The following KCNAB2 variants were observed in gnomAD, a reference collection of about 807,000 sequenced individuals.
KCNAB2 encodes voltage-gated potassium channel subunit beta-2.
A neutral mutation model predicts 63.6 loss-of-function variants in KCNAB2; 29 were observed. The observed-to-expected ratio is 0.46, with a 90% CI of 0.34 to 0.62. The LOEUF (loss-of-function observed/expected upper bound fraction) is 0.62, where lower values mean the gene tolerates loss of function less well. Among genes scored for constraint, KCNAB2 ranks in the 20% least tolerant of loss-of-function variants. The pLI is 0.01. For synonymous variants in KCNAB2, 222 were observed against 224.2 expected, an observed-to-expected ratio of 0.99 and a Z score of 0.09; for missense variants, 359 against 563.9, an observed-to-expected ratio of 0.64 and a Z score of 3.68.
upstream of KCNAB2, among the ~76,000 whole-genome samples, chr1:6,045,145 A>G (rs114541726): frequency 3.7e-3 from 556 of 152,148 alleles, 3 homozygotes; most frequent in African/African-American, 0.013. The surrounding 1 kb of genome is among the most constrained non-coding windows in gnomAD (Gnocchi z 4.8). Flanking sequence ...TTTACCTTCC[A>G]CACTGCGACT....
At chr1:6,083,009 C>G (rs1021387796) in intron 5 of KCNAB2, among the ~76,000 whole-genome samples, 5 of 152,174 alleles carry the variant, frequency 3.3e-5, no homozygotes, top group African/African-American at 1.2e-4. Flanking sequence ...CCCAGAGCAC[C>G]CGGCGGCAGG....
At chr1:6,089,972 G>A (rs934651108) in intron 8 of KCNAB2, among the ~76,000 whole-genome samples, 2 of 152,264 alleles carry the variant, frequency 1.3e-5, no homozygotes, top group African/African-American at 4.8e-5. Context: ...AGAGTGCTGG[G>A]ATTACAGGCA....
chr1:6,091,247 T>C lies in KCNAB2; in HGVS notation c.602-16T>C. The C allele has an allele frequency of 6.5e-7, 1 of 1,527,996 alleles. No homozygotes were observed. The highest frequency in any genetic ancestry group is 8.8e-7 in the Non-Finnish European group (1 of 1,139,520). 94.7% of individuals were successfully genotyped at this position (1,527,996 alleles called of 1,614,324 possible). On this transcript the variant is annotated splice_polypyrimidine_tract_variant and intron_variant, in intron 9 of 15. Transcript: ENST00000378083. ...CTATCAACTCTGGTCTCTTTAAATCTTTCTTCTATCACCAGGGGACCCATT... is the reference window on the plus strand; with the variant it reads ...CTATCAACTCTGGTCTCTTTAAATCCTTCTTCTATCACCAGGGGACCCATT...
At chr1:6,022,340 G>A (rs1478576284) in intron 1 of KCNAB2, among the ~76,000 whole-genome samples, 1 of 151,900 alleles carries the variant, frequency 6.6e-6, no homozygotes, top group Non-Finnish European at 1.5e-5. Flanking sequence ...CAGTTCATTG[G>A]TATTGAGTGT....
chr1:6,069,311 A>T lies in KCNAB2; in HGVS notation c.219-3444A>T, dbSNP rs569163605. The stretch of plus-strand genomic sequence containing the variant: ...TTTGTCCTCTGCCCAGGTGGCTCCA[A>T]TGAAAGGCCCCAAACTCCTCTTTGT... On this transcript the variant is annotated intron_variant, in intron 2 of 15. Coordinates refer to ENST00000378083, the MANE Select transcript of KCNAB2 (RefSeq NM_001199862.2). This position sits in a 1 kb window ranked among gnomAD's most constrained non-coding sequence, Gnocchi z 5.4. Among the ~76,000 whole-genome samples the T allele has an allele frequency of 3.3e-5, 5 of 152,166 alleles. No individual in the cohort carries two copies. Among genetic ancestry groups the T allele is most frequent in the South Asian group, 4.1e-4 (2 of 4,828 alleles).
intron 1 of KCNAB2, among the ~76,000 whole-genome samples, chr1:5,997,452 C>T (rs1039303223): frequency 6.6e-6 from 1 of 152,156 alleles, no homozygotes; most frequent in Non-Finnish European, 1.5e-5. Context: ...CGTGGAGGGC[C>T]TGCAAGCCTG....
chr1:6,065,670 T>A lies in KCNAB2; in HGVS notation c.219-7085T>A, dbSNP rs535204981. Among the ~76,000 whole-genome samples the A allele has an allele frequency of 2.7e-3, 417 of 152,058 alleles. 1 individual carries two copies. The highest frequency in any genetic ancestry group is 4.1e-3 in the Non-Finnish European group (279 of 67,970). Reference sequence around the variant, plus strand: ...ATCACCCGTCACTCATCATCAGGAGTAACTCACAGCCCAGCCCTGCCCAAC... The same window carrying A: ...ATCACCCGTCACTCATCATCAGGAGAAACTCACAGCCCAGCCCTGCCCAAC... On this transcript the variant is annotated intron_variant, in intron 2 of 15. Transcript: ENST00000378083.
rs960817042 is a variant in KCNAB2 at position 6,071,628 on chromosome 1, C to T, written c.219-1127C>T. Among the ~76,000 whole-genome samples the T allele has an allele frequency of 7.9e-5, 12 of 152,200 alleles. No individual in the cohort carries two copies. The highest frequency in any genetic ancestry group is 2.7e-4 in the African/African-American group (11 of 41,454). ...GGAATCGATGTCACGACAAGCAAGG[C>T]GCCTGCTGCGTAGGGCACCTGCCGC... On this transcript the variant is annotated intron_variant, in intron 2 of 15. Coordinates refer to ENST00000378083, the MANE Select transcript of KCNAB2 (RefSeq NM_001199862.2). This position sits in a 1 kb window ranked among gnomAD's most constrained non-coding sequence, Gnocchi z 8.5.
chr1:5,997,625 C>T (rs572938886), intron 1 of KCNAB2, among the ~76,000 whole-genome samples: 1 of 152,340 alleles, frequency 6.6e-6, no homozygotes, highest in East Asian at 1.9e-4. Context: ...TCATTGCAAT[C>T]TCAGGCCCTG....
chr1:5,997,523 G>A (rs994828070), intron 1 of KCNAB2, among the ~76,000 whole-genome samples: 1 of 152,158 alleles, frequency 6.6e-6, no homozygotes, highest in Non-Finnish European at 1.5e-5. Context: ...CCTGGGCACC[G>A]AGTGGGTTGC....
chr1:6,004,799 T>C (rs186823234), intron 1 of KCNAB2, among the ~76,000 whole-genome samples: 1 of 152,218 alleles, frequency 6.6e-6, no homozygotes, highest in East Asian at 1.9e-4. Context: ...GGGAACACAG[T>C]CCACCCCACA....
At chr1:6,061,268 T>C (rs527313347) in intron 2 of KCNAB2, among the ~76,000 whole-genome samples, 3 of 152,326 alleles carry the variant, frequency 2.0e-5, no homozygotes, top group African/African-American at 7.2e-5. Flanking sequence ...AAATGGGTTG[T>C]AGGTTGAAGT....
intron 11 of KCNAB2, 66 bp downstream of exon 11, chr1:6,094,551 C>T: frequency 7.4e-7 from 1 of 1,344,714 alleles, no homozygotes; most frequent in Non-Finnish European, 1.0e-6. Context: ...CGTATGGAGA[C>T]CCCAAAGCTC....
intron 1 of KCNAB2, among the ~76,000 whole-genome samples, chr1:6,013,821 C>G (rs1025140256): frequency 2.0e-5 from 3 of 152,172 alleles, no homozygotes; most frequent in Non-Finnish European, 4.4e-5. Context: ...CCCGGGCCCC[C>G]CCAGCAGTCG....
rs537058340 is a variant in KCNAB2 at position 6,090,653 on chromosome 1, C to G, written c.601+178C>G. On this transcript the variant is annotated intron_variant, in intron 9 of 15. Transcript: ENST00000378083. ...GCCTCCCCTCAGTAGGGGGTGAACT[C>G]AGCCTCTGGCTGCAGACCCCTCGCC... is the stretch of plus-strand genomic sequence containing the variant. Among the ~76,000 whole-genome samples the G allele has an allele frequency of 1.3e-5, 2 of 152,272 alleles. 1 individual carries two copies. Among genetic ancestry groups the G allele is most frequent in the East Asian group, 3.9e-4 (2 of 5,172 alleles).
At chr1:6,095,679 G>C in intron 13 of KCNAB2, 55 bp downstream of exon 13, 1 of 1,550,344 alleles carries the variant, frequency 6.5e-7, no homozygotes, top group Non-Finnish European at 8.9e-7. Context: ...TTTTGGACGG[G>C]TGGGACCTTT....
In KCNAB2 at chr1:6,072,737, G is replaced by A. The variant is rs758349762; in HGVS notation, c.219-18G>A. ...TCCTGCCTGGGTGCTGAGAACTCAC[G>A]TGGCGTTTGTTTTTCAGGAACCTGG... On this transcript the variant is annotated intron_variant, in intron 2 of 15. Coordinates refer to ENST00000378083, the MANE Select transcript of KCNAB2 (RefSeq NM_001199862.2). The A allele has an allele frequency of 9.9e-6, 16 of 1,613,630 alleles. No individual in the cohort carries two copies. The highest frequency in any genetic ancestry group is 2.2e-5 in the East Asian group (1 of 44,890).
At position 6,016,520 on chromosome 1, in the gene KCNAB2, G is replaced by A. The variant is rs969241546; in HGVS notation, c.-53+23732G>A. Among the ~76,000 whole-genome samples the A allele has an allele frequency of 3.9e-5, 6 of 152,222 alleles. 1 individual carries two copies. The South Asian group carries it at 6.2e-4, about 16-fold the overall frequency. On this transcript the variant is annotated intron_variant, in intron 1 of 16. Coordinates refer to the KCNAB2 transcript ENST00000341524. ...AGCCAAGTACTGAATTTGATGAGGC[G>A]TTTTCACGAGGCCTGTGTGAAACAC...
chr1:6,068,598 G>C (rs936016334), intron 2 of KCNAB2, among the ~76,000 whole-genome samples: 1 of 152,184 alleles, frequency 6.6e-6, no homozygotes, highest in Non-Finnish European at 1.5e-5. Flanking sequence ...AGTTTCACAG[G>C]GGCTGAGATG....
Sources: allele counts gnomAD v4.1 joint callset (sites outside exome capture counted in the v4.1 genomes callset), GRCh38; gene constraint gnomAD v4.1.1; non-coding constraint Gnocchi (gnomAD v3.1); transcripts MANE v1.5; gene names NCBI Gene and HGNC (gene_info 2026-07-23, HGNC 2026-07-21).